HNF4G: variants seen among roughly 807,000 people sequenced by gnomAD.
HNF4G encodes hepatocyte nuclear factor 4-gamma.
Under a neutral mutation model 50.9 loss-of-function variants are expected in HNF4G, and 21 were observed. The ratio of observed to expected loss-of-function variants is 0.41; its 90% CI spans 0.29 to 0.59. HNF4G has a LOEUF of 0.59. Among genes scored for constraint, HNF4G ranks in the 20% least tolerant of loss-of-function variants. HNF4G has a pLI of 0.26. For synonymous variants in HNF4G, 198 were observed against 185.6 expected, an observed-to-expected ratio of 1.07 and a Z score of -0.54; for missense variants, 527 against 559.4, an observed-to-expected ratio of 0.94 and a Z score of 0.58.
intron 1 of HNF4G, among the ~76,000 whole-genome samples, chr8:75,454,470 A>C (rs1811671084): frequency 6.6e-6 from 1 of 152,164 alleles, no homozygotes; most frequent in South Asian, 2.1e-4. Flanking sequence ...GTACCCACTA[A>C]TAGTAAGCAC....
At chr8:75,438,347 A>C (rs1811190554) in intron 1 of HNF4G, among the ~76,000 whole-genome samples, 2 of 152,298 alleles carry the variant, frequency 1.3e-5, no homozygotes, top group Non-Finnish European at 1.5e-5. Context: ...GCTTAGTCCT[A>C]TATTGACATC....
chr8:75,462,689 A>G (rs1030383858), intron 1 of HNF4G, among the ~76,000 whole-genome samples: 2 of 152,196 alleles, frequency 1.3e-5, no homozygotes, highest in African/African-American at 4.8e-5. Context: ...TGATCACTAC[A>G]ATGATTACGG....
Position 75,548,183 on chromosome 8 carries a change from C to T in HNF4G, c.382+502C>T, listed in dbSNP as rs1012909555. On this transcript the variant is annotated intron_variant, in intron 3 of 9. Coordinates refer to ENST00000396423, the MANE Select transcript of HNF4G (RefSeq NM_004133.5). ...TATTTTTAGTAGAACCAGAGTTTCA[C>T]CATGTTAGCCAGGCTGGTCTTGAAC... Among the ~76,000 whole-genome samples, 3 of 151,960 alleles carry T rather than the reference C, an allele frequency of 2.0e-5. No homozygotes were observed. In the East Asian group the frequency reaches 5.8e-4, roughly 29 times the overall value.
At chr8:75,478,362 T>C (rs535470074) in intron 1 of HNF4G, among the ~76,000 whole-genome samples, 4 of 152,230 alleles carry the variant, frequency 2.6e-5, no homozygotes, top group African/African-American at 9.6e-5. Context: ...ATTCTGCATA[T>C]TAGAATTCTG....
intron 2 of HNF4G, among the ~76,000 whole-genome samples, chr8:75,493,660 A>G (rs1585892938): frequency 2.0e-5 from 3 of 152,024 alleles, no homozygotes; most frequent in Admixed American, 1.3e-4. Flanking sequence ...TGTTTTATCT[A>G]TTTTTACAAT....
rs1269537790 is a variant in HNF4G at position 75,565,477 on chromosome 8, G to C, written c.*1381G>C. ...CTTTGAAATGTAGCAGCCCAGGGAT[G>C]TACCAAATGTCGAATTCTAGACTGA... On this transcript the variant is annotated 3_prime_UTR_variant, in exon 10 of 10. Coordinates refer to ENST00000396423, the MANE Select transcript of HNF4G (RefSeq NM_004133.5). The C allele has an allele frequency of 6.6e-6, 1 of 152,140 alleles. No homozygotes were observed. Among genetic ancestry groups the C allele is most frequent in the Non-Finnish European group, 1.5e-5 (1 of 68,024 alleles). The allele number at this position is 152,140 out of a possible 1,614,324, so 9.4% of individuals were successfully genotyped here.
intron 1 of HNF4G, among the ~76,000 whole-genome samples, chr8:75,438,050 T>A (rs914163622): frequency 6.6e-5 from 10 of 152,218 alleles, no homozygotes; most frequent in Non-Finnish European, 1.0e-4. Context: ...CAAATGAGCT[T>A]GTTTCTTGCT....
At chr8:75,492,214 C>T (rs1271433632) in intron 2 of HNF4G, among the ~76,000 whole-genome samples, 2 of 152,168 alleles carry the variant, frequency 1.3e-5, no homozygotes, top group East Asian at 3.9e-4. Context: ...GCCACCGCCC[C>T]ACACTGATCT....
At chr8:75,461,081 G>A (rs1811827777) in intron 1 of HNF4G, among the ~76,000 whole-genome samples, 1 of 152,126 alleles carries the variant, frequency 6.6e-6, no homozygotes, top group African/African-American at 2.4e-5. Flanking sequence ...ACACAGCAGG[G>A]ACAAGATGTA....
chr8:75,437,802 T>C (rs183351195), intron 1 of HNF4G, among the ~76,000 whole-genome samples: 1 of 152,232 alleles, frequency 6.6e-6, no homozygotes, highest in East Asian at 1.9e-4. Flanking sequence ...GACATAATTA[T>C]ATTTTAATAA....
chr8:75,416,228 A>G (rs1033393940), intron 1 of HNF4G, among the ~76,000 whole-genome samples: 4 of 152,094 alleles, frequency 2.6e-5, no homozygotes, highest in African/African-American at 9.7e-5. Flanking sequence ...TTTGTTCAGT[A>G]TATTCTGATT....
intron 1 of HNF4G, among the ~76,000 whole-genome samples, chr8:75,408,995 C>T (rs1283372107): frequency 6.6e-6 from 1 of 152,200 alleles, no homozygotes; most frequent in Non-Finnish European, 1.5e-5. Context: ...GTCTAGCTGT[C>T]ACCGTTTTTC....
At chr8:75,513,437 G>C (rs1371910737) in intron 2 of HNF4G, among the ~76,000 whole-genome samples, 2 of 152,146 alleles carry the variant, frequency 1.3e-5, no homozygotes, top group African/African-American at 4.8e-5. Flanking sequence ...GATCAAATTT[G>C]AGTTCAATTT....
At chr8:75,471,085 T>C (rs971861934) in intron 1 of HNF4G, among the ~76,000 whole-genome samples, 41 of 152,266 alleles carry the variant, frequency 2.7e-4, no homozygotes, top group African/African-American at 9.1e-4. Flanking sequence ...CTCAGTATAA[T>C]GGAAAGACAA....
chr8:75,463,791 T>TTG (rs1371171017), intron 1 of HNF4G, among the ~76,000 whole-genome samples: 1 of 150,488 alleles, frequency 6.6e-6, no homozygotes, highest in African/African-American at 2.4e-5. Context: ...TTTTTTTTTT[T>TTG]GAGACAGAAT....
At chr8:75,477,735 A>G (rs987132556) in intron 1 of HNF4G, among the ~76,000 whole-genome samples, 1 of 151,990 alleles carries the variant, frequency 6.6e-6, no homozygotes, top group Non-Finnish European at 1.5e-5. Context: ...TGGGAGGCCG[A>G]AGTGGGCAGA....
intron 2 of HNF4G, among the ~76,000 whole-genome samples, chr8:75,502,020 T>C (rs1812941139): frequency 6.6e-6 from 1 of 152,052 alleles, no homozygotes; most frequent in African/African-American, 2.4e-5. Flanking sequence ...GCCCAGCTAA[T>C]TTTTGTATTT....
chr8:75,508,737 G>C (rs1218341885), intron 2 of HNF4G, among the ~76,000 whole-genome samples: 1 of 152,170 alleles, frequency 6.6e-6, no homozygotes. Context: ...ACAGAGGCAA[G>C]AGAAAACATG....
intron 9 of HNF4G, among the ~76,000 whole-genome samples, chr8:75,563,554 A>G (rs1451138865): frequency 6.6e-6 from 1 of 152,100 alleles, no homozygotes; most frequent in East Asian, 1.9e-4. Flanking sequence ...TGGAATCCAA[A>G]CCAAATATAT....
Sources: gnomAD v4.1 joint callset for allele counts (sites outside exome capture counted in the v4.1 genomes callset) on GRCh38, gnomAD v4.1.1 for gene constraint, MANE v1.5 for transcripts, NCBI Gene and HGNC (gene_info 2026-07-23, HGNC 2026-07-21) for gene names.